EVI5: variants seen among roughly 807,000 people sequenced by gnomAD.
EVI5 encodes the protein ecotropic viral integration site 5 protein homolog.
In EVI5, 73 loss-of-function variants were observed where a neutral mutation model predicts 112.0. The ratio of observed to expected loss-of-function variants is 0.65; its 90% CI spans 0.54 to 0.79. The LOEUF is 0.79. Among genes scored for constraint, EVI5 ranks in the 30% least tolerant of loss-of-function variants. The probability of loss-of-function intolerance (pLI) is 0.00; values close to 1 mark genes in which losing one functional copy is unlikely to be tolerated. For missense variants in EVI5, 900 were observed against 968.8 expected (o/e 0.93, Z 0.94); for synonymous variants, 305 against 319.9 (o/e 0.95, Z 0.50).
intron 19 of EVI5, among the ~76,000 whole-genome samples, chr1:92,530,507 T>G (rs1662683629): frequency 6.6e-6 from 1 of 151,978 alleles, no homozygotes; most frequent in African/African-American, 2.4e-5. Context: ...CACCTCCCAG[T>G]AGGGGCCAAC....
intron 14 of EVI5, among the ~76,000 whole-genome samples, chr1:92,634,710 C>T (rs752250705): frequency 1.6e-4 from 24 of 152,138 alleles, no homozygotes; most frequent in African/African-American, 2.2e-4. Flanking sequence ...AGCTTTTTTC[C>T]GGTGCTGGTG....
Position 92,663,449 on chromosome 1 carries a change from T to G in EVI5, c.1216A>C (p.Ser406Arg). Residue 406 changes from serine (S) to arginine (R), a missense_variant, in exon 12 of 20, where the codon AGT (serine) becomes CGT (arginine). Physicochemically the swap from Ser to Arg is moderately radical, Grantham distance 110. Coordinates refer to ENST00000684568, the MANE Select transcript of EVI5 (RefSeq NM_001350197.2). Reference sequence around the variant, plus strand: ...ATCAATCTATCTGCCAAGGAAGCACTTTCCTACAAAAGGAAAAATTCAGAT... The same window carrying G: ...ATCAATCTATCTGCCAAGGAAGCACGTTCCTACAAAAGGAAAAATTCAGAT... ...KQRIETLEKE[S>R]ASLADRLIQG... 2 of 1,420,236 alleles carry G rather than the reference T, an allele frequency of 1.4e-6. No homozygotes were observed. Among genetic ancestry groups the G allele is most frequent in the Non-Finnish European group, 1.9e-6 (2 of 1,064,416 alleles). The allele number at this position is 1,420,236 out of a possible 1,614,324, so 88.0% of individuals were successfully genotyped here.
At chr1:92,530,665 C>G (rs1662721746) in intron 19 of EVI5, among the ~76,000 whole-genome samples, 1 of 151,840 alleles carries the variant, frequency 6.6e-6, no homozygotes, top group Non-Finnish European at 1.5e-5. Flanking sequence ...AGTGGACCTC[C>G]AACAAACTCC....
intron 18 of EVI5, among the ~76,000 whole-genome samples, chr1:92,604,619 T>C (rs1453265242): frequency 1.3e-5 from 2 of 152,192 alleles, no homozygotes; most frequent in Admixed American, 6.5e-5. Flanking sequence ...AATATTAGTA[T>C]AGCAAAACAA....
At chr1:92,553,363 C>A (rs1030938876) in intron 19 of EVI5, among the ~76,000 whole-genome samples, 1 of 132,666 alleles carries the variant, frequency 7.5e-6, no homozygotes, top group Non-Finnish European at 1.5e-5. Flanking sequence ...AGTGCAGTGG[C>A]ACAATCTCGG....
At chr1:92,727,638 C>T (rs756648963) in intron 2 of EVI5, among the ~76,000 whole-genome samples, 13 of 152,082 alleles carry the variant, frequency 8.5e-5, no homozygotes, top group Non-Finnish European at 1.6e-4. Flanking sequence ...AATAAAATGG[C>T]TTAAATAACC....
At chr1:92,679,734 T>C (rs945327924) in intron 9 of EVI5, among the ~76,000 whole-genome samples, 3 of 152,226 alleles carry the variant, frequency 2.0e-5, no homozygotes, top group Non-Finnish European at 2.9e-5. Flanking sequence ...TGAGGAGTAC[T>C]GGTCAGGTAT....
intron 2 of EVI5, among the ~76,000 whole-genome samples, chr1:92,734,940 C>T (rs1271134097): frequency 6.6e-6 from 1 of 152,010 alleles, no homozygotes; most frequent in South Asian, 2.1e-4. Flanking sequence ...GATACTAATA[C>T]CTAATAAAAT....
In EVI5 at chr1:92,636,186, T is replaced by C. The variant is rs1425067357; in HGVS notation, c.1527+16A>G. The C allele has an allele frequency of 1.2e-6, 2 of 1,601,104 alleles. No individual in the cohort carries two copies. Among genetic ancestry groups the C allele is most frequent in the Non-Finnish European group, 1.7e-6 (2 of 1,173,440 alleles). On this transcript the variant is annotated intron_variant, in intron 14 of 19. Transcript: ENST00000684568. Reference sequence around the variant, plus strand: ...CCTCTAATTTGGGAATGACTGCATTTGTGTAGGTTTCTTACCTTCTCTATA... The same window carrying C: ...CCTCTAATTTGGGAATGACTGCATTCGTGTAGGTTTCTTACCTTCTCTATA...
intron 9 of EVI5, among the ~76,000 whole-genome samples, chr1:92,678,429 G>C (rs1241211127): frequency 6.6e-6 from 1 of 152,076 alleles, no homozygotes; most frequent in Non-Finnish European, 1.5e-5. Context: ...GTACTCAGAG[G>C]CTGAGGTGGG....
At chr1:92,707,387 A>G (rs555600168) in intron 2 of EVI5, among the ~76,000 whole-genome samples, 2 of 152,208 alleles carry the variant, frequency 1.3e-5, no homozygotes, top group Non-Finnish European at 2.9e-5. Context: ...TAAGAAGAAA[A>G]AAAAAAGTCT....
At chr1:92,612,088 G>A (rs1651961590) in intron 16 of EVI5, among the ~76,000 whole-genome samples, 1 of 152,106 alleles carries the variant, frequency 6.6e-6, no homozygotes, top group Admixed American at 6.5e-5. Context: ...AACACATGAA[G>A]TTATTCACAG....
chr1:92,554,241 A>G (rs1275260651), intron 19 of EVI5, among the ~76,000 whole-genome samples: 2 of 152,250 alleles, frequency 1.3e-5, no homozygotes, highest in Non-Finnish European at 2.9e-5. Context: ...ATCTGAGAGA[A>G]GCAATTCAAT....
In EVI5 at chr1:92,627,456, T is replaced by C. The variant is rs183092266; in HGVS notation, c.1528-1522A>G. Among the ~76,000 whole-genome samples, 196 of 152,370 alleles carry C rather than the reference T, an allele frequency of 1.3e-3. 1 individual carries two copies. Among genetic ancestry groups the C allele is most frequent in the African/African-American group, 4.6e-3 (193 of 41,592 alleles). ...TTGAGTTGGTTCCACGATTTTGCAA[T>C]TGTGAATTGTGCTGCTATAAACATG... On this transcript the variant is annotated intron_variant, in intron 14 of 19. Transcript: ENST00000684568.
At chr1:92,607,495 T>C (rs1650681498) in intron 17 of EVI5, 86 bp downstream of exon 17, 1 of 968,544 alleles carries the variant, frequency 1.0e-6, no homozygotes, top group African/African-American at 1.7e-5. Flanking sequence ...GTTTTGTTTT[T>C]AAGATAATCT....
intron 19 of EVI5, among the ~76,000 whole-genome samples, chr1:92,531,896 C>T (rs1662928679): frequency 1.3e-5 from 2 of 152,140 alleles, no homozygotes; most frequent in African/African-American, 4.8e-5. Flanking sequence ...GGCAAAATAA[C>T]CAGCTAGCAT....
intron 18 of EVI5, among the ~76,000 whole-genome samples, chr1:92,589,098 GATCAC>G (rs1302185245): frequency 2.0e-5 from 3 of 152,198 alleles, no homozygotes; most frequent in African/African-American, 7.2e-5. Flanking sequence ...AGGGAATGCT[GATCAC>G]AACTGGTCAA....
intron 18 of EVI5, among the ~76,000 whole-genome samples, chr1:92,575,940 C>G (rs1030429800): frequency 2.6e-5 from 4 of 152,084 alleles, no homozygotes; most frequent in Admixed American, 2.6e-4. Flanking sequence ...TGTATATTAT[C>G]TAAGCTGAAA....
chr1:92,775,138 T>C (rs906897575), intron 1 of EVI5, among the ~76,000 whole-genome samples: 19 of 152,066 alleles, frequency 1.2e-4, no homozygotes, highest in African/African-American at 4.6e-4. Context: ...TATAAGAGGG[T>C]AGTCCCTGCC....
Sources: allele counts gnomAD v4.1 joint callset (sites outside exome capture counted in the v4.1 genomes callset), GRCh38; gene constraint gnomAD v4.1.1; transcripts MANE v1.5; gene names NCBI Gene and HGNC (gene_info 2026-07-23, HGNC 2026-07-21).